SLC10A7: variants seen among roughly 807,000 people sequenced by gnomAD.
The protein encoded by SLC10A7 is solute carrier family 10 member 7.
A neutral mutation model predicts 43.2 loss-of-function variants in SLC10A7; 29 were observed. The ratio of observed to expected loss-of-function variants is 0.67; its 90% confidence interval spans 0.50 to 0.92. The LOEUF (loss-of-function observed/expected upper bound fraction) is 0.92, where lower values mean the gene tolerates loss of function less well. Ranked by LOEUF, SLC10A7 falls within the 40% of genes least tolerant of loss-of-function variation. The pLI, the probability that SLC10A7 is intolerant of heterozygous loss-of-function variation, is 0.00. For missense variants in SLC10A7, 295 were observed against 403.2 expected (o/e 0.73, Z 2.30); for synonymous variants, 152 against 144.8 (o/e 1.05, Z -0.35).
chr4:146,368,412 T>C (rs973943731), intron 5 of SLC10A7, among the ~76,000 whole-genome samples: 17 of 152,214 alleles, frequency 1.1e-4, no homozygotes, highest in African/African-American at 4.1e-4. Context: ...TACTGTTACA[T>C]AGCTTTTCTT....
At chr4:146,512,589 CTACTT>C (rs1303199030) in intron 2 of SLC10A7, among the ~76,000 whole-genome samples, 5 of 152,122 alleles carry the variant, frequency 3.3e-5, no homozygotes, top group African/African-American at 1.2e-4. Flanking sequence ...AATCTCTCCC[CTACTT>C]TATCAATAGG....
chr4:146,425,123 G>A (rs1301640323), intron 5 of SLC10A7, among the ~76,000 whole-genome samples: 1 of 152,170 alleles, frequency 6.6e-6, no homozygotes, highest in African/African-American at 2.4e-5. Context: ...CTTAACAACA[G>A]ATCCCTGACA....
intron 5 of SLC10A7, among the ~76,000 whole-genome samples, chr4:146,401,261 T>C (rs926058200): frequency 3.9e-5 from 6 of 152,220 alleles, no homozygotes; most frequent in African/African-American, 1.4e-4. Flanking sequence ...TAGTAACCCT[T>C]AGTGCTTCAC....
chr4:146,329,231 GTTCA>G (rs1383042295), intron 5 of SLC10A7, among the ~76,000 whole-genome samples: 1 of 152,106 alleles, frequency 6.6e-6, no homozygotes, highest in African/African-American at 2.4e-5. Context: ...AGCTGTTCAG[GTTCA>G]TTAAGAGTGA....
intron 2 of SLC10A7, among the ~76,000 whole-genome samples, chr4:146,512,529 G>A (rs532510794): frequency 5.3e-5 from 8 of 152,090 alleles, no homozygotes; most frequent in Non-Finnish European, 8.8e-5. Flanking sequence ...AATCTAATTG[G>A]AGTGTTATGA....
At chr4:146,320,343 T>A (rs1221175933) in intron 6 of SLC10A7, among the ~76,000 whole-genome samples, 1 of 151,964 alleles carries the variant, frequency 6.6e-6, no homozygotes, top group Non-Finnish European at 1.5e-5. Flanking sequence ...AAAGGAATTA[T>A]AATGATGGAC....
intron 4 of SLC10A7, among the ~76,000 whole-genome samples, chr4:146,482,252 C>G (rs938106075): frequency 6.6e-6 from 1 of 152,042 alleles, no homozygotes; most frequent in Non-Finnish European, 1.5e-5. Flanking sequence ...AAATGATTCT[C>G]TAGTAACTGA....
In SLC10A7 at chr4:146,521,919, T is replaced by C. The variant is rs761988405; in HGVS notation, c.-202A>G. ...GAGGGTTGGGAGTAGTAGTAGCCAG[T>C]GACAGGAAAGTCTCACTGAGCGCCG... On this transcript the variant is annotated 5_prime_UTR_variant, in exon 1 of 12. Transcript: ENST00000335472. 8 of 515,484 alleles carry C rather than the reference T, an allele frequency of 1.6e-5. No individual in the cohort carries two copies. The highest frequency in any genetic ancestry group is 4.5e-4 in the Middle Eastern group (1 of 2,218). The allele number at this position is 515,484 out of a possible 1,614,324, so 31.9% of individuals were successfully genotyped here.
At chr4:146,469,138 C>T (rs961611735) in intron 4 of SLC10A7, among the ~76,000 whole-genome samples, 1 of 152,140 alleles carries the variant, frequency 6.6e-6, no homozygotes, top group Non-Finnish European at 1.5e-5. Flanking sequence ...GAACAAACCC[C>T]TCTGTCAAGA....
At chr4:146,401,424 G>A (rs1739216822) in intron 5 of SLC10A7, among the ~76,000 whole-genome samples, 1 of 152,158 alleles carries the variant, frequency 6.6e-6, no homozygotes, top group African/African-American at 2.4e-5. Context: ...CAAACACACA[G>A]CCCTCTTACT....
At chr4:146,491,746 A>AGGAAGGAG (rs1279288085) in intron 4 of SLC10A7, among the ~76,000 whole-genome samples, 1 of 149,018 alleles carries the variant, frequency 6.7e-6, no homozygotes, top group African/African-American at 2.5e-5. Flanking sequence ...GAAGGAAGGA[A>AGGAAGGAG]ATAAATTCCT....
At chr4:146,516,100 C>T (rs940820691) in intron 2 of SLC10A7, among the ~76,000 whole-genome samples, 13 of 151,884 alleles carry the variant, frequency 8.6e-5, no homozygotes, top group African/African-American at 2.9e-4. Flanking sequence ...GATGCTGGAC[C>T]AGAATCTTAA....
At chr4:146,319,614 G>A (rs1471498693) in intron 6 of SLC10A7, among the ~76,000 whole-genome samples, 16 of 152,060 alleles carry the variant, frequency 1.1e-4, no homozygotes, top group Non-Finnish European at 2.2e-4. Context: ...CTGGGATGGT[G>A]TCTGGCATGC....
At chr4:146,348,839 G>T (rs567376937) in intron 5 of SLC10A7, among the ~76,000 whole-genome samples, 1 of 152,252 alleles carries the variant, frequency 6.6e-6, no homozygotes, top group South Asian at 2.1e-4. Context: ...TAAAGAGTGT[G>T]TAACAGTCGC....
intron 6 of SLC10A7, among the ~76,000 whole-genome samples, chr4:146,313,762 G>A (rs9308200): frequency 0.82 from 124,432 of 152,086 alleles, 51,715 homozygotes; most frequent in African/African-American, 0.95. Context: ...CTGCCCCTTG[G>A]TCTCTTTCGC....
intron 5 of SLC10A7, among the ~76,000 whole-genome samples, chr4:146,428,630 G>C (rs1319760734): frequency 6.6e-6 from 1 of 151,014 alleles, no homozygotes; most frequent in African/African-American, 2.4e-5. Context: ...CATTGAATTG[G>C]TTCTTTTTCA....
intron 10 of SLC10A7, among the ~76,000 whole-genome samples, chr4:146,267,928 T>A (rs1032468619): frequency 3.3e-5 from 5 of 152,096 alleles, no homozygotes; most frequent in Admixed American, 6.5e-5. Flanking sequence ...AACAGGACAA[T>A]CTTGCACCAG....
At chr4:146,407,448 T>A (rs529341708) in intron 5 of SLC10A7, among the ~76,000 whole-genome samples, 1 of 152,320 alleles carries the variant, frequency 6.6e-6, no homozygotes, top group African/African-American at 2.4e-5. Flanking sequence ...TACTGTATTA[T>A]CAAGCATAGG....
intron 5 of SLC10A7, among the ~76,000 whole-genome samples, chr4:146,386,146 G>A (rs997351323): frequency 1.3e-4 from 20 of 152,136 alleles, no homozygotes; most frequent in Admixed American, 9.2e-4. Flanking sequence ...AAGTCTATGA[G>A]AACTCTCCAA....
Sources: allele counts gnomAD v4.1 joint callset (sites outside exome capture counted in the v4.1 genomes callset), GRCh38; gene constraint gnomAD v4.1.1; transcripts MANE v1.5; gene names NCBI Gene and HGNC (gene_info 2026-07-23, HGNC 2026-07-21).